Variants in C1QTNF3 observed in about 807,000 individuals in gnomAD.
C1QTNF3 encodes the protein C1q and TNF related 3, also known as complement C1q tumor necrosis factor-related protein 3.
A neutral mutation model predicts 32.6 loss-of-function variants in C1QTNF3; 26 were observed. The observed-to-expected ratio is 0.80, with a 90% CI of 0.58 to 1.11. The LOEUF (loss-of-function observed/expected upper bound fraction) is 1.11, where lower values mean the gene tolerates loss of function less well. Ranked by LOEUF, C1QTNF3 falls within the 50% of genes least tolerant of loss-of-function variation. The pLI is 0.00. For missense variants in C1QTNF3, 362 were observed against 398.2 expected, an observed-to-expected ratio of 0.91 and a Z score of 0.77; for synonymous variants, 155 against 146.0, an observed-to-expected ratio of 1.06 and a Z score of -0.44.
At chr5:34,049,804 T>TC in the C1QTNF3 span, among the ~76,000 whole-genome samples, 1 of 152,244 alleles carries the variant, frequency 6.6e-6, no homozygotes, top group Non-Finnish European at 1.5e-5. Flanking sequence ...AATTGTTTCC[T>TC]CTTCAGGGTC....
the C1QTNF3 span, among the ~76,000 whole-genome samples, chr5:34,214,697 A>AT: frequency 6.6e-6 from 1 of 152,080 alleles, no homozygotes; most frequent in Non-Finnish European, 1.5e-5. Context: ...CCATATTGTC[A>AT]TTTTTTGTCA....
At chr5:34,115,741 A>C in the C1QTNF3 span, among the ~76,000 whole-genome samples, 19 of 152,110 alleles carry the variant, frequency 1.2e-4, no homozygotes, top group South Asian at 3.7e-3. Context: ...AAAAAAAAAA[A>C]AAAAAAACTT....
the C1QTNF3 span, among the ~76,000 whole-genome samples, chr5:34,054,670 A>G: frequency 6.6e-6 from 1 of 152,220 alleles, no homozygotes; most frequent in African/African-American, 2.4e-5. Context: ...GTGTTCCATA[A>G]CTCAAGAAAA....
At chr5:34,059,060 T>C in the C1QTNF3 span, among the ~76,000 whole-genome samples, 2 of 152,208 alleles carry the variant, frequency 1.3e-5, no homozygotes, top group African/African-American at 4.8e-5. Flanking sequence ...CAAACAGGTT[T>C]CCTCCCCTCT....
the C1QTNF3 span, chr5:34,166,774 T>C: frequency 7.2e-6 from 1 of 138,930 alleles, no homozygotes; most frequent in African/African-American, 2.5e-5. Flanking sequence ...TGAATTACAC[T>C]TCTGATGATC....
At chr5:34,137,077 C>T in the C1QTNF3 span, among the ~76,000 whole-genome samples, 55 of 150,908 alleles carry the variant, frequency 3.6e-4, no homozygotes, top group African/African-American at 1.3e-3. Flanking sequence ...AGCAAACCAA[C>T]ACGGCACAGG....
upstream of C1QTNF3, among the ~76,000 whole-genome samples, chr5:34,045,183 C>G (rs371044833): frequency 3.3e-5 from 5 of 152,342 alleles, no homozygotes; most frequent in East Asian, 3.9e-4. Flanking sequence ...GCATCCCCCA[C>G]GAAGTGGGCC....
At chr5:34,238,582 T>G in the C1QTNF3 span, among the ~76,000 whole-genome samples, 43 of 151,638 alleles carry the variant, frequency 2.8e-4, 1 homozygote, top group South Asian at 8.5e-3. Context: ...AAAAGAAAAT[T>G]TTAAAAAAGA....
In C1QTNF3 at chr5:34,018,486, G is replaced by A. The variant is rs1049177859; in HGVS notation, c.*2097C>T. On this transcript the variant is annotated 3_prime_UTR_variant, in exon 6 of 6. Coordinates refer to ENST00000382065, the MANE Select transcript of C1QTNF3 (RefSeq NM_181435.6). ...GTCCTCTACTAGGTTGAAAAATTAG[G>A]GAAGGTAAGAATTGTACTTTAAATG... is the stretch of plus-strand genomic sequence containing the variant. 6.6e-6 allele frequency among the ~76,000 whole-genome samples: 1 copy of A among 152,094 alleles called. No homozygotes were observed. The highest frequency in any genetic ancestry group is 2.1e-4 in the South Asian group (1 of 4,830).
the C1QTNF3 span, among the ~76,000 whole-genome samples, chr5:34,171,475 C>T: frequency 6.6e-6 from 1 of 151,896 alleles, no homozygotes; most frequent in Admixed American, 6.6e-5. Flanking sequence ...TATTTCTAAA[C>T]CAAACATTCC....
the C1QTNF3 span, among the ~76,000 whole-genome samples, chr5:34,213,790 T>C: frequency 9.7e-5 from 1 of 10,298 alleles, no homozygotes; most frequent in African/African-American, 2.4e-4. Flanking sequence ...TATATACATA[T>C]ATATATATAT....
chr5:34,103,864 T>C, the C1QTNF3 span, among the ~76,000 whole-genome samples: 172 of 152,176 alleles, frequency 1.1e-3, no homozygotes, highest in African/African-American at 4.0e-3. Context: ...TATATATGTA[T>C]ATTTATTTAT....
the C1QTNF3 span, chr5:34,175,299 C>G: frequency 6.4e-6 from 1 of 156,394 alleles, no homozygotes; most frequent in Admixed American, 6.4e-5. Flanking sequence ...CCCACCTTGG[C>G]CTCCCAAAGT....
the C1QTNF3 span, among the ~76,000 whole-genome samples, chr5:34,125,597 C>A: frequency 6.6e-6 from 1 of 151,700 alleles, no homozygotes; most frequent in Non-Finnish European, 1.5e-5. Flanking sequence ...CTACTGTGTT[C>A]TGCAAAAGTA....
At chr5:34,228,919 G>C in the C1QTNF3 span, among the ~76,000 whole-genome samples, 2 of 149,708 alleles carry the variant, frequency 1.3e-5, no homozygotes, top group African/African-American at 4.9e-5. Flanking sequence ...AGTTGAATCA[G>C]TGCTAAGCTG....
chr5:34,209,384 T>C, the C1QTNF3 span, among the ~76,000 whole-genome samples: 108 of 151,474 alleles, frequency 7.1e-4, no homozygotes, highest in African/African-American at 2.6e-3. Flanking sequence ...TTTACCTATA[T>C]AACAAACCTG....
At chr5:34,173,007 G>T in the C1QTNF3 span, among the ~76,000 whole-genome samples, 6 of 151,972 alleles carry the variant, frequency 3.9e-5, no homozygotes, top group African/African-American at 1.5e-4. Context: ...TAGGTTCAAG[G>T]GTGGACTTTT....
chr5:34,064,407 C>T, the C1QTNF3 span, among the ~76,000 whole-genome samples: 12 of 152,186 alleles, frequency 7.9e-5, no homozygotes, highest in Non-Finnish European at 1.3e-4. Context: ...GGGTTCTTGG[C>T]CTCACAGATT....
chr5:34,217,913 T>G, the C1QTNF3 span, among the ~76,000 whole-genome samples: 1 of 152,066 alleles, frequency 6.6e-6, no homozygotes, highest in South Asian at 2.1e-4. Flanking sequence ...CCTCTAACAG[T>G]GACCAAATGT....
Sources: allele counts gnomAD v4.1 joint callset (sites outside exome capture counted in the v4.1 genomes callset), GRCh38; gene constraint gnomAD v4.1.1; transcripts MANE v1.5; gene names NCBI Gene and HGNC (gene_info 2026-07-23, HGNC 2026-07-21).